LCORL: variants seen among roughly 807,000 people sequenced by gnomAD.
LCORL encodes ligand dependent nuclear receptor corepressor like, also known as ligand-dependent nuclear receptor corepressor-like protein.
Under a neutral mutation model 141.8 loss-of-function variants are expected in LCORL, and 41 were observed. The observed-to-expected ratio is 0.29, with a 90% confidence interval of 0.23 to 0.38. The LOEUF (loss-of-function observed/expected upper bound fraction) is 0.38. Among genes scored for constraint, LCORL ranks in the 10% least tolerant of loss-of-function variants. LCORL has a pLI of 1.00. For synonymous variants in LCORL, 618 were observed against 694.1 expected (o/e 0.89, Z 1.72); for missense variants, 1,759 against 2,035.0 (o/e 0.86, Z 2.61).
At chr4:17,991,516 T>G (rs1720013439) in intron 1 of LCORL, among the ~76,000 whole-genome samples, 1 of 152,232 alleles carries the variant, frequency 6.6e-6, no homozygotes, top group Non-Finnish European at 1.5e-5. Context: ...GTTGGAATAT[T>G]TGAAATCAGA....
intron 4 of LCORL, among the ~76,000 whole-genome samples, chr4:17,946,093 A>G (rs1381744796): frequency 2.0e-5 from 3 of 152,034 alleles, no homozygotes; most frequent in South Asian, 2.1e-4. Context: ...GGAAAACTGC[A>G]TATGTAAACA....
chr4:17,884,639 G>A lies in LCORL; in HGVS notation c.776+1429C>T. 6.5e-7 allele frequency: 1 copy of A among 1,547,102 alleles called. No individual in the cohort carries two copies. The highest frequency in any genetic ancestry group is 8.7e-7 in the Non-Finnish European group (1 of 1,144,730). ...TTGAGGTATGCCATAAAGTATGCCT[G>A]CTTTATTTATGTCCAGTGCTCCAGA... On this transcript the variant is annotated intron_variant, in intron 6 of 7. Coordinates refer to ENST00000635767, the Ensembl canonical transcript of LCORL. This position sits in a 1 kb window ranked among gnomAD's most constrained non-coding sequence, Gnocchi z 4.4.
intron 1 of LCORL, among the ~76,000 whole-genome samples, chr4:17,983,605 CATTGCTTTTGT>C (rs947862133): frequency 1.1e-3 from 171 of 152,176 alleles, no homozygotes; most frequent in African/African-American, 3.9e-3. Flanking sequence ...AATATTTGTA[CATTGCTTTTGT>C]ATCCTGAAAT....
chr4:18,015,626 CAA>C (rs985172572), intron 1 of LCORL, among the ~76,000 whole-genome samples: 4 of 151,670 alleles, frequency 2.6e-5, no homozygotes, highest in Non-Finnish European at 5.9e-5. Flanking sequence ...GCTGTATAAA[CAA>C]AGTCTTTTGG....
intron 7 of LCORL, among the ~76,000 whole-genome samples, chr4:17,858,086 A>T (rs997510951): frequency 1.3e-5 from 2 of 152,232 alleles, no homozygotes; most frequent in African/African-American, 4.8e-5. Flanking sequence ...GAGGATGTTA[A>T]TGGAGATATT....
intron 4 of LCORL, among the ~76,000 whole-genome samples, chr4:17,917,536 G>A (rs1425989004): frequency 6.6e-6 from 1 of 152,364 alleles, no homozygotes; most frequent in Non-Finnish European, 1.5e-5. Flanking sequence ...AATGCAGACT[G>A]TTAAACAAAG....
At chr4:17,961,928 G>A in exon 4 of LCORL, 2 of 1,610,166 alleles carry the variant, frequency 1.2e-6, no homozygotes, top group Non-Finnish European at 1.7e-6. Flanking sequence ...GTGCATTTAG[G>A]TAATTTTCTG....
chr4:17,876,854 C>G, exon 7 of LCORL: 1 of 1,230,654 alleles, frequency 8.1e-7, no homozygotes, highest in Non-Finnish European at 1.0e-6. Context: ...CATTAAAAGA[C>G]AAGTTAGTTT....
intron 5 of LCORL, among the ~76,000 whole-genome samples, chr4:17,897,745 C>T (rs1052033239): frequency 1.3e-5 from 2 of 152,144 alleles, no homozygotes; most frequent in Admixed American, 1.3e-4. Context: ...GAACCTTTAA[C>T]ATTGACTCCT....
chr4:18,016,278 A>T (rs1007512490), intron 1 of LCORL, among the ~76,000 whole-genome samples: 9 of 152,226 alleles, frequency 5.9e-5, no homozygotes, highest in Admixed American at 5.9e-4. Context: ...CAATTTACAG[A>T]TTAAGAAACT....
At chr4:17,943,160 A>G (rs1183743716) in intron 4 of LCORL, among the ~76,000 whole-genome samples, 1 of 152,164 alleles carries the variant, frequency 6.6e-6, no homozygotes, top group African/African-American at 2.4e-5. Flanking sequence ...CTGAGATGAC[A>G]AGAGAATCAA....
At chr4:18,003,872 A>G (rs973145582) in intron 1 of LCORL, among the ~76,000 whole-genome samples, 6 of 152,240 alleles carry the variant, frequency 3.9e-5, no homozygotes, top group African/African-American at 9.6e-5. Context: ...AAAGTTACTC[A>G]GTTTATCTTG....
intron 6 of LCORL, chr4:17,880,675 G>A (rs1350645047): frequency 6.1e-6 from 6 of 982,400 alleles, no homozygotes; most frequent in Non-Finnish European, 7.2e-6. Context: ...GTAAATTTAA[G>A]TGCAAAAGCA....
In LCORL at chr4:17,884,498, G is replaced by A. The variant is rs1728029798; in HGVS notation, c.776+1570C>T. The A allele has an allele frequency of 1.9e-6, 3 of 1,545,418 alleles. No individual in the cohort carries two copies. The highest frequency in any genetic ancestry group is 2.6e-6 in the Non-Finnish European group (3 of 1,145,142). On this transcript the variant is annotated intron_variant, in intron 6 of 7. Coordinates refer to ENST00000635767, the Ensembl canonical transcript of LCORL. This position sits in a 1 kb window ranked among gnomAD's most constrained non-coding sequence, Gnocchi z 4.4. ...CCACAAGGCTACTTTTTGCAGCACT[G>A]CACAAGTTTCTTTACTGTCCTTATA...
exon 7 of LCORL, chr4:17,875,317 C>G: frequency 8.1e-7 from 1 of 1,231,416 alleles, no homozygotes; most frequent in Non-Finnish European, 1.0e-6. Context: ...TGAGGTATCA[C>G]AGATTTGTTC....
At chr4:17,859,150 T>C (rs1426022425) in intron 7 of LCORL, among the ~76,000 whole-genome samples, 1 of 152,212 alleles carries the variant, frequency 6.6e-6, no homozygotes, top group African/African-American at 2.4e-5. Context: ...TTCCGTAAGT[T>C]ACATGAGATA....
At chr4:17,996,729 C>T (rs570370850) in intron 1 of LCORL, among the ~76,000 whole-genome samples, 13 of 152,060 alleles carry the variant, frequency 8.5e-5, no homozygotes, top group Non-Finnish European at 1.3e-4. Flanking sequence ...AAGCTTGATA[C>T]ATTAAAGATT....
At chr4:17,906,475 C>T (rs1307344010) in intron 5 of LCORL, among the ~76,000 whole-genome samples, 1 of 151,786 alleles carries the variant, frequency 6.6e-6, no homozygotes, top group Admixed American at 6.6e-5. Context: ...CATTCAAAAA[C>T]TTAAAATTAT....
At chr4:17,984,636 T>C (rs1475169336) in intron 1 of LCORL, among the ~76,000 whole-genome samples, 2 of 152,112 alleles carry the variant, frequency 1.3e-5, no homozygotes, top group South Asian at 4.1e-4. Context: ...TCTTTTCTAA[T>C]TGTGCTTATT....
Sources: allele counts gnomAD v4.1 joint callset (sites outside exome capture counted in the v4.1 genomes callset), GRCh38; gene constraint gnomAD v4.1.1; non-coding constraint Gnocchi (gnomAD v3.1); transcripts MANE v1.5; gene names NCBI Gene and HGNC (gene_info 2026-07-23, HGNC 2026-07-21).